Variants in SYT1 observed in about 807,000 individuals in gnomAD.
SYT1 encodes the protein synaptotagmin 1, also known as synaptotagmin-1.
A neutral mutation model predicts 44.8 loss-of-function variants in SYT1; 8 were observed. That is an observed-to-expected ratio of 0.18 (90% CI 0.10 to 0.32). SYT1 has a LOEUF of 0.32. Among genes scored for constraint, SYT1 ranks in the 10% least tolerant of loss-of-function variants. SYT1 has a pLI of 1.00. For synonymous variants in SYT1, 154 were observed against 188.8 expected, an observed-to-expected ratio of 0.82 and a Z score of 1.51; for missense variants, 286 against 509.3, an observed-to-expected ratio of 0.56 and a Z score of 4.22.
At chr12:78,871,154 C>G (rs1163752302) in intron 1 of SYT1, among the ~76,000 whole-genome samples, 1 of 151,870 alleles carries the variant, frequency 6.6e-6, no homozygotes, top group East Asian at 1.9e-4. Context: ...TCTGGAGACC[C>G]TTAAATAAGC....
chr12:79,193,043 T>A (rs984805384), intron 3 of SYT1, among the ~76,000 whole-genome samples: 1 of 152,154 alleles, frequency 6.6e-6, no homozygotes, highest in African/African-American at 2.4e-5. Flanking sequence ...TAGCCAGGAA[T>A]GACCCAAAAC....
In SYT1 at chr12:78,990,998, G is replaced by A. The variant is rs148515359; in HGVS notation, c.-84+13067G>A. 2.6e-3 allele frequency among the ~76,000 whole-genome samples: 400 copies of A among 152,226 alleles called. 2 individuals carry two copies. The highest frequency in any genetic ancestry group is 9.4e-3 in the African/African-American group (390 of 41,542). Reference sequence around the variant, plus strand: ...TGAGAATCTTTGTTTTACTTATAAGGCACAGCAGTTTCAAGAATATGACCT... The same window carrying A: ...TGAGAATCTTTGTTTTACTTATAAGACACAGCAGTTTCAAGAATATGACCT... On this transcript the variant is annotated intron_variant, in intron 2 of 10. Transcript: ENST00000261205.
At chr12:79,126,434 T>C (rs981370882) in intron 3 of SYT1, among the ~76,000 whole-genome samples, 1 of 152,168 alleles carries the variant, frequency 6.6e-6, no homozygotes, top group African/African-American at 2.4e-5. Context: ...CTAATTTTTG[T>C]ATTTTTAGTA....
chr12:79,049,518 A>C (rs1874314735), intron 3 of SYT1, among the ~76,000 whole-genome samples: 1 of 152,100 alleles, frequency 6.6e-6, no homozygotes, highest in South Asian at 2.1e-4. Context: ...TCCTTTAAAA[A>C]TTTTATCAGA....
intron 3 of SYT1, among the ~76,000 whole-genome samples, chr12:79,103,933 C>T (rs1878571787): frequency 6.6e-6 from 1 of 152,032 alleles, no homozygotes; most frequent in Admixed American, 6.6e-5. Context: ...ATAGATATTC[C>T]ACATGCATAC....
intron 2 of SYT1, among the ~76,000 whole-genome samples, chr12:79,006,382 C>G (rs1421252899): frequency 6.6e-6 from 1 of 151,996 alleles, no homozygotes; most frequent in Non-Finnish European, 1.5e-5. Context: ...AGAAGTGGTT[C>G]CCATAATATG....
Position 78,941,105 on chromosome 12 carries a change from G to A in SYT1, c.-216-36694G>A, listed in dbSNP as rs541427137. ...TTTTGAGATGGAGTCTCGCTCTGTC[G>A]CCCAGGTGGAGTGCAGTGGCACAGT... is the stretch of plus-strand genomic sequence containing the variant. On this transcript the variant is annotated intron_variant, in intron 1 of 10. Transcript: ENST00000261205. Among the ~76,000 whole-genome samples, 6 of 118,298 alleles carry A rather than the reference G, an allele frequency of 5.1e-5. No individual in the cohort carries two copies. The East Asian group carries it at 7.4e-4, about 15-fold the overall frequency. 77.6% of individuals were successfully genotyped at this position (118,298 alleles called of 152,430 possible). A position where few individuals can be genotyped will look rare whatever the true frequency, so the allele number is the denominator to read the frequency against.
chr12:78,973,479 C>T (rs1353105771), intron 1 of SYT1, among the ~76,000 whole-genome samples: 1 of 152,076 alleles, frequency 6.6e-6, no homozygotes, highest in Non-Finnish European at 1.5e-5. Context: ...ACTACCATAT[C>T]ATCCAGCAAG....
intron 3 of SYT1, among the ~76,000 whole-genome samples, chr12:79,119,508 GCTGAGAAGGTCCTTCTTAT>G (rs1879477626): frequency 6.6e-6 from 1 of 151,722 alleles, no homozygotes; most frequent in Non-Finnish European, 1.5e-5. Context: ...CTTTTCTTCA[GCTGAGAAGGTCCTTCTTAT>G]CTACCCTTTC....
At chr12:79,343,790 G>T in intron 8 of SYT1, among the ~76,000 whole-genome samples, 1 of 152,212 alleles carries the variant, frequency 6.6e-6, no homozygotes, top group East Asian at 1.9e-4. Context: ...GAAAATATGG[G>T]ATAAAAGTAA....
chr12:79,090,185 T>C (rs1877674470), intron 3 of SYT1, among the ~76,000 whole-genome samples: 1 of 152,054 alleles, frequency 6.6e-6, no homozygotes, highest in Non-Finnish European at 1.5e-5. Flanking sequence ...GAAAACACAA[T>C]TTATTTTTAT....
chr12:79,046,528 T>C (rs1305836538), intron 2 of SYT1: 1 of 152,168 alleles, frequency 6.6e-6, no homozygotes, highest in Non-Finnish European at 1.5e-5. Context: ...ATTCCTGATA[T>C]CTTTATTACA....
chr12:79,061,628 A>G (rs1050555634), intron 3 of SYT1, among the ~76,000 whole-genome samples: 9 of 152,154 alleles, frequency 5.9e-5, no homozygotes, highest in African/African-American at 2.2e-4. Context: ...TAATTAAAAT[A>G]TAATAGTATG....
At chr12:78,895,059 A>G (rs1413754014) in intron 1 of SYT1, among the ~76,000 whole-genome samples, 2 of 151,662 alleles carry the variant, frequency 1.3e-5, no homozygotes, top group Non-Finnish European at 3.0e-5. Context: ...AAATTAGATA[A>G]GCTAAAATTA....
intron 9 of SYT1, among the ~76,000 whole-genome samples, chr12:79,370,521 G>T (rs1883738857): frequency 6.6e-6 from 1 of 152,090 alleles, no homozygotes. Flanking sequence ...CCAGCACTTT[G>T]GGAGGCTGAG....
At chr12:78,963,063 A>G (rs1046772437) in intron 1 of SYT1, among the ~76,000 whole-genome samples, 1 of 152,036 alleles carries the variant, frequency 6.6e-6, no homozygotes, top group Non-Finnish European at 1.5e-5. Flanking sequence ...GAAGTATTTG[A>G]CCTTCTGTGA....
intron 2 of SYT1, among the ~76,000 whole-genome samples, chr12:78,987,940 C>T (rs369511149): frequency 6.6e-6 from 1 of 152,022 alleles, no homozygotes; most frequent in East Asian, 1.9e-4. Flanking sequence ...TCAACAAAAG[C>T]CAGCCCATAA....
chr12:79,080,525 A>G (rs111452395), intron 3 of SYT1, among the ~76,000 whole-genome samples: 21 of 152,298 alleles, frequency 1.4e-4, no homozygotes, highest in African/African-American at 4.3e-4. Context: ...AGGAATCACA[A>G]TGGATTTTGG....
At chr12:79,312,204 T>TA (rs1880840803) in intron 8 of SYT1, among the ~76,000 whole-genome samples, 1 of 151,740 alleles carries the variant, frequency 6.6e-6, no homozygotes, top group Non-Finnish European at 1.5e-5. Flanking sequence ...TGAAGGAAAT[T>TA]AAAACCCCTT....
Sources: allele counts gnomAD v4.1 joint callset (sites outside exome capture counted in the v4.1 genomes callset), GRCh38; gene constraint gnomAD v4.1.1; transcripts MANE v1.5; gene names NCBI Gene and HGNC (gene_info 2026-07-23, HGNC 2026-07-21).